ZFHX3: variants seen among roughly 807,000 people sequenced by gnomAD.
The protein encoded by ZFHX3 is zinc finger homeobox 3.
Under a neutral mutation model 279.1 loss-of-function variants are expected in ZFHX3, and 42 were observed. The observed-to-expected ratio is 0.15, with a 90% CI of 0.12 to 0.19. The LOEUF (loss-of-function observed/expected upper bound fraction) is 0.19. Among genes scored for constraint, ZFHX3 ranks in the 10% least tolerant of loss-of-function variants. The pLI is 1.00. For missense variants in ZFHX3, 4,981 were observed against 4,754.0 expected, an observed-to-expected ratio of 1.05 and a Z score of -1.40; for synonymous variants, 2,293 against 1,957.8, an observed-to-expected ratio of 1.17 and a Z score of -4.52.
chr16:72,987,239 C>G (rs547112441), intron 1 of ZFHX3, among the ~76,000 whole-genome samples: 1 of 152,196 alleles, frequency 6.6e-6, no homozygotes, highest in Admixed American at 6.5e-5. Context: ...GCACCCATCC[C>G]TCACTCAACT....
At chr16:73,109,006 C>T (rs1966338674) in intron 7 of ZFHX3, among the ~76,000 whole-genome samples, 1 of 146,300 alleles carries the variant, frequency 6.8e-6, no homozygotes, top group African/African-American at 2.6e-5. Flanking sequence ...GTTGGGGATT[C>T]TGGCTGGCCG....
intron 7 of ZFHX3, among the ~76,000 whole-genome samples, chr16:73,105,463 T>TTTTTC (rs1966291951): frequency 1.0e-5 from 1 of 98,188 alleles, no homozygotes; most frequent in Non-Finnish European, 2.2e-5. Context: ...ATATATTTTT[T>TTTTTC]CCCCCAGGCC....
intron 3 of ZFHX3, among the ~76,000 whole-genome samples, chr16:72,897,612 T>G (rs2038931291): frequency 6.6e-6 from 1 of 152,096 alleles, no homozygotes; most frequent in African/African-American, 2.4e-5. Flanking sequence ...GGCTAATTTT[T>G]AAATTTTTTG....
chr16:72,892,077 C>G (rs7403925), intron 3 of ZFHX3, among the ~76,000 whole-genome samples: 152,278 of 152,328 alleles, frequency 1, 76,115 homozygotes, highest in Non-Finnish European at 1. Context: ...ACTGCCCTGA[C>G]GCTCACGTAC....
At chr16:73,442,485 AT>A (rs2018111794) in intron 3 of ZFHX3, among the ~76,000 whole-genome samples, 1 of 152,160 alleles carries the variant, frequency 6.6e-6, no homozygotes, top group Non-Finnish European at 1.5e-5. Context: ...TTAAAAAAAA[AT>A]GTGAACAATA....
intron 3 of ZFHX3, among the ~76,000 whole-genome samples, chr16:72,905,729 G>A (rs2039154249): frequency 6.6e-6 from 1 of 152,230 alleles, no homozygotes; most frequent in Admixed American, 6.5e-5. Context: ...AGAGTGGTGT[G>A]AAAGTGTTCA....
intron 5 of ZFHX3, among the ~76,000 whole-genome samples, chr16:73,162,018 T>C (rs556600866): frequency 1.1e-4 from 16 of 152,334 alleles, no homozygotes; most frequent in Admixed American, 5.2e-4. Context: ...AAGTGGAGAA[T>C]GACCAAATCT....
intron 1 of ZFHX3, among the ~76,000 whole-genome samples, chr16:73,763,268 A>G (rs1254159107): frequency 2.6e-5 from 4 of 152,230 alleles, no homozygotes; most frequent in Non-Finnish European, 5.9e-5. Flanking sequence ...AAGTCTTACC[A>G]AATCTTTAAA....
In ZFHX3 at chr16:73,808,238, AAAC is replaced by A. The variant is rs528132050; in HGVS notation, c.-1608+83410_-1608+83412del. On this transcript the variant is annotated intron_variant, in intron 1 of 17. Transcript: ENST00000641206. ...TGAGCACATGCTCATTTTCAAAATA[AAAC>A]AACTTCTTTGTGAGAATAATTGAGA... is the stretch of plus-strand genomic sequence containing the variant. 2.3e-3 allele frequency among the ~76,000 whole-genome samples: 358 copies of A among 152,342 alleles called. 1 individual carries two copies. The highest frequency in any genetic ancestry group is 4.3e-3 in the Non-Finnish European group (293 of 68,024).
At position 72,958,243 on chromosome 16, in the gene ZFHX3, G is replaced by T; in HGVS notation, c.1903C>A (p.Pro635Thr). Reference protein sequence around the residue: ...SLCELGVGECPSGSGVECPKC... With the variant: ...SLCELGVGECTSGSGVECPKC... ...GGGCACTCCACGCCACTCCCCGAGG[G>T]GCACTCCCCAACCCCAAGCTCGCAG... is the stretch of plus-strand genomic sequence containing the variant. The change falls in exon 2 of 10, where the codon CCC (proline) becomes ACC (threonine). Residue 635 changes from proline to threonine, a missense_variant. Physicochemically the swap from Pro to Thr is conservative, Grantham distance 38. Transcript: ENST00000268489. The T allele has an allele frequency of 6.2e-7, 1 of 1,613,142 alleles. No homozygotes were observed. Among genetic ancestry groups the T allele is most frequent in the Non-Finnish European group, 8.5e-7 (1 of 1,179,164 alleles).
At chr16:73,749,598 A>G (rs941374319) in intron 1 of ZFHX3, among the ~76,000 whole-genome samples, 3 of 152,198 alleles carry the variant, frequency 2.0e-5, no homozygotes, top group Non-Finnish European at 4.4e-5. Flanking sequence ...ACAAAGACCA[A>G]CCAGTGAGAA....
intron 6 of ZFHX3, among the ~76,000 whole-genome samples, chr16:73,142,107 C>G (rs1451413514): frequency 6.6e-6 from 1 of 152,196 alleles, no homozygotes; most frequent in East Asian, 1.9e-4. Flanking sequence ...ATGGTCCCTC[C>G]CTTTGTTTCT....
At chr16:73,085,536 A>T (rs966931731) in intron 8 of ZFHX3, among the ~76,000 whole-genome samples, 7 of 152,002 alleles carry the variant, frequency 4.6e-5, no homozygotes, top group African/African-American at 1.7e-4. Context: ...ATGAACCACC[A>T]CTCCTGGGCT....
intron 5 of ZFHX3, among the ~76,000 whole-genome samples, chr16:73,196,168 A>G (rs1015015830): frequency 0.024 from 1,618 of 68,566 alleles, no homozygotes; most frequent in African/African-American, 0.027. Context: ...TTTTTTTTGG[A>G]GGGGGGATGG....
At chr16:73,266,700 TG>T (rs780409220) in intron 4 of ZFHX3, among the ~76,000 whole-genome samples, 1 of 152,196 alleles carries the variant, frequency 6.6e-6, no homozygotes, top group Non-Finnish European at 1.5e-5. Context: ...AACTGAATCC[TG>T]GGAATGGAGC....
At chr16:73,107,353 T>C (rs1966317898) in intron 7 of ZFHX3, among the ~76,000 whole-genome samples, 1 of 152,112 alleles carries the variant, frequency 6.6e-6, no homozygotes. Flanking sequence ...AAAAAATTGA[T>C]TCCTCTTTAG....
At chr16:73,012,990 C>T (rs1274627509) in intron 1 of ZFHX3, among the ~76,000 whole-genome samples, 1 of 152,194 alleles carries the variant, frequency 6.6e-6, no homozygotes, top group Non-Finnish European at 1.5e-5. Context: ...ACACACTTCC[C>T]CCAGGACTCC....
At chr16:73,372,634 T>C (rs948886495) in intron 3 of ZFHX3, among the ~76,000 whole-genome samples, 1 of 152,208 alleles carries the variant, frequency 6.6e-6, no homozygotes, top group East Asian at 1.9e-4. Flanking sequence ...AAGGGAAATG[T>C]AAATTTCAGC....
intron 1 of ZFHX3, among the ~76,000 whole-genome samples, chr16:73,869,617 T>C (rs1277434567): frequency 6.6e-6 from 1 of 152,222 alleles, no homozygotes; most frequent in Non-Finnish European, 1.5e-5. Flanking sequence ...GGGAAAGAAA[T>C]AGGCGCTTAC....
Sources: allele counts gnomAD v4.1 joint callset (sites outside exome capture counted in the v4.1 genomes callset), GRCh38; gene constraint gnomAD v4.1.1; transcripts MANE v1.5; gene names NCBI Gene and HGNC (gene_info 2026-07-23, HGNC 2026-07-21).